The following SPICE1 variants were observed in gnomAD, a reference collection of about 807,000 sequenced individuals.
SPICE1 encodes the protein spindle and centriole associated protein 1.
Under a neutral mutation model 102.7 loss-of-function variants are expected in SPICE1, and 75 were observed. That is an observed-to-expected ratio of 0.73 (90% CI 0.61 to 0.88). SPICE1 has a LOEUF of 0.88. SPICE1 is among the 40% of genes least tolerant of loss of function. SPICE1 has a pLI of 0.00. For missense variants in SPICE1, 979 were observed against 1,020.1 expected (o/e 0.96, Z 0.55); for synonymous variants, 308 against 350.3 (o/e 0.88, Z 1.35).
intron 13 of SPICE1, among the ~76,000 whole-genome samples, chr3:113,456,897 T>C (rs893371968): frequency 1.3e-5 from 2 of 152,248 alleles, no homozygotes; most frequent in African/African-American, 4.8e-5. Flanking sequence ...TCTGATCTTT[T>C]GATCTGAGTT....
At chr3:113,471,091 G>A (rs1936184738) in intron 7 of SPICE1, among the ~76,000 whole-genome samples, 1 of 152,094 alleles carries the variant, frequency 6.6e-6, no homozygotes, top group Non-Finnish European at 1.5e-5. Flanking sequence ...GAAAATTGAA[G>A]GATATTGGGA....
At chr3:113,489,360 C>A (rs1936716654) in intron 6 of SPICE1, among the ~76,000 whole-genome samples, 2 of 152,118 alleles carry the variant, frequency 1.3e-5, no homozygotes, top group Non-Finnish European at 2.9e-5. Flanking sequence ...TTTCTTCTAC[C>A]ACCAAACTTC....
chr3:113,466,518 A>G (rs138114238), intron 10 of SPICE1, among the ~76,000 whole-genome samples: 6,527 of 151,942 alleles, frequency 0.043, 168 homozygotes, highest in East Asian at 0.1. Context: ...GCTGAGGCAG[A>G]AGAATCTCTT....
chr3:113,490,986 C>G (rs1212064989), intron 6 of SPICE1, among the ~76,000 whole-genome samples: 1 of 152,184 alleles, frequency 6.6e-6, no homozygotes, highest in African/African-American at 2.4e-5. Flanking sequence ...TCTCTCCAGT[C>G]TTGTCCCTCC....
At chr3:113,506,374 T>A in intron 2 of SPICE1, 133 bp downstream of exon 2, 1 of 684,704 alleles carries the variant, frequency 1.5e-6, no homozygotes, top group East Asian at 2.7e-5. Flanking sequence ...GAATATCACA[T>A]GCCCAGAAAC....
At chr3:113,495,213 G>A (rs1936856921) in intron 4 of SPICE1, among the ~76,000 whole-genome samples, 1 of 152,176 alleles carries the variant, frequency 6.6e-6, no homozygotes, top group Non-Finnish European at 1.5e-5. Context: ...ACCACCACCA[G>A]ATGGCATTCT....
intron 12 of SPICE1, 131 bp from the exon 13 acceptor site, chr3:113,457,488 T>TGAAGGCTC: frequency 1.2e-6 from 1 of 861,774 alleles, no homozygotes; most frequent in Non-Finnish European, 1.8e-6. Flanking sequence ...CCTGGAGCCT[T>TGAAGGCTC]CACTTTCTAG....
chr3:113,478,027 G>T (rs528644166), intron 7 of SPICE1, among the ~76,000 whole-genome samples: 2 of 146,362 alleles, frequency 1.4e-5, no homozygotes, highest in African/African-American at 5.0e-5. Context: ...GTAAAAAAAA[G>T]AAAACAAGAT....
Position 113,511,475 on chromosome 3 carries a change from T to C in SPICE1, c.-1+3422A>G, listed in dbSNP as rs370959348. ...TCCTTTGCAGGGGCATGGATGGAAC[T>C]GGAAGCCATTACACTTGGCAAACGA... is the stretch of plus-strand genomic sequence containing the variant. On this transcript the variant is annotated intron_variant, in intron 1 of 17. Transcript: ENST00000295872. Among the ~76,000 whole-genome samples the C allele has an allele frequency of 3.9e-5, 6 of 152,298 alleles. No individual in the cohort carries two copies. In the East Asian group the frequency reaches 1.2e-3, roughly 29 times the overall value.
In SPICE1 at chr3:113,468,342, T is replaced by G. The variant is rs1936112399; in HGVS notation, c.952A>C (p.Thr318Pro). The change falls in exon 10 of 18, where the codon ACA becomes CCA. Residue 318 changes from threonine to proline, a missense_variant. Thr to Pro is a conservative substitution (Grantham distance 38, BLOSUM62 -1). Coordinates refer to ENST00000295872, the MANE Select transcript of SPICE1 (RefSeq NM_144718.4). ...KPKKNISSGS[T>P]TSADLPNRTN... Reference sequence around the variant, plus strand: ...CTATTTGGTAAGTCTGCAGAGGTTGTGCTACCTGATGATATGTTTTTCTTC... The same window carrying G: ...CTATTTGGTAAGTCTGCAGAGGTTGGGCTACCTGATGATATGTTTTTCTTC... 1 of 1,614,090 alleles carries G rather than the reference T, an allele frequency of 6.2e-7. No homozygotes were observed. The highest frequency in any genetic ancestry group is 8.5e-7 in the Non-Finnish European group (1 of 1,180,036).
At chr3:113,486,512 A>G (rs1936651278) in intron 7 of SPICE1, among the ~76,000 whole-genome samples, 1 of 151,474 alleles carries the variant, frequency 6.6e-6, no homozygotes, top group East Asian at 1.9e-4. Context: ...ATGATAATAT[A>G]TATATATGAG....
In SPICE1 at chr3:113,453,405, C is replaced by T. The variant is rs540973892; in HGVS notation, c.2142+61G>A. ...CTGAAAAGAAGTTTCTTAAGTTGCC[C>T]AAGCTAAAGTTCCTATTTAAATTCC... On this transcript the variant is annotated intron_variant, in intron 14 of 17. Transcript: ENST00000295872. The T allele has an allele frequency of 1.1e-4, 163 of 1,519,260 alleles. 3 individuals carry two copies. The South Asian group carries it at 2.1e-3, about 19-fold the overall frequency. The allele number at this position is 1,519,260 out of a possible 1,614,324, so 94.1% of individuals were successfully genotyped here. A position where few individuals can be genotyped will look rare whatever the true frequency, so the allele number is the denominator to read the frequency against.
chr3:113,483,128 G>T (rs1165599934), intron 7 of SPICE1, among the ~76,000 whole-genome samples: 1 of 152,124 alleles, frequency 6.6e-6, no homozygotes, highest in East Asian at 1.9e-4. Flanking sequence ...CACATCCCTT[G>T]TAAGTTGGAT....
chr3:113,468,666 G>A (rs1936121517), intron 9 of SPICE1, 96 bp downstream of exon 9: 1 of 1,374,660 alleles, frequency 7.3e-7, no homozygotes, highest in South Asian at 1.5e-5. Flanking sequence ...GAACCATGTG[G>A]ATGAGATTAA....
rs1480539072 is a variant in SPICE1 at position 113,469,257 on chromosome 3, TA to T, written c.612-20del. On this transcript the variant is annotated intron_variant, in intron 7 of 17. Transcript: ENST00000295872. ...GAGAAACCTATAAATTACAGGACAATAAGCTACATGAGAATTATAATATAAA... is the reference window on the plus strand; with the variant it reads ...GAGAAACCTATAAATTACAGGACAATAGCTACATGAGAATTATAATATAAA... The T allele has an allele frequency of 7.2e-7, 1 of 1,381,968 alleles. No individual in the cohort carries two copies. Among genetic ancestry groups the T allele is most frequent in the African/African-American group, 1.5e-5 (1 of 68,580 alleles). 85.6% of individuals were successfully genotyped at this position (1,381,968 alleles called of 1,614,324 possible). A position where few individuals can be genotyped will look rare whatever the true frequency, so the allele number is the denominator to read the frequency against.
intron 7 of SPICE1, among the ~76,000 whole-genome samples, chr3:113,480,698 T>C (rs1227165489): frequency 3.9e-5 from 6 of 152,056 alleles, no homozygotes; most frequent in Admixed American, 2.6e-4. Flanking sequence ...CAAGAATTGA[T>C]TGGCATTTCC....
intron 4 of SPICE1, chr3:113,498,803 TTTAAAAAGG>T (rs1936951690): frequency 6.6e-6 from 1 of 152,254 alleles, no homozygotes; most frequent in South Asian, 2.1e-4. Flanking sequence ...TCAGCTCAAA[TTTAAAAAGG>T]TTATTTGCTG....
chr3:113,456,859 C>T (rs1935790248), intron 13 of SPICE1, among the ~76,000 whole-genome samples: 1 of 152,158 alleles, frequency 6.6e-6, no homozygotes, highest in Non-Finnish European at 1.5e-5. Flanking sequence ...AAGGGATTCC[C>T]CTTACTCTGC....
At chr3:113,475,065 G>A (rs1263836021) in intron 7 of SPICE1, among the ~76,000 whole-genome samples, 3 of 151,902 alleles carry the variant, frequency 2.0e-5, no homozygotes, top group Non-Finnish European at 4.4e-5. Context: ...AAAGAAAGAA[G>A]AATCAAATAG....
Sources: gnomAD v4.1 joint callset for allele counts (sites outside exome capture counted in the v4.1 genomes callset) on GRCh38, gnomAD v4.1.1 for gene constraint, MANE v1.5 for transcripts, NCBI Gene and HGNC (gene_info 2026-07-23, HGNC 2026-07-21) for gene names.